Variants in EPHA6 observed in about 807,000 individuals in gnomAD.
The protein encoded by EPHA6 is EPH receptor A6, also known as ephrin type-A receptor 6.
In EPHA6, 50 loss-of-function variants were observed where a neutral mutation model predicts 112.0. That is an observed-to-expected ratio of 0.45 (90% CI 0.36 to 0.56). The LOEUF (loss-of-function observed/expected upper bound fraction) is 0.56, where lower values mean the gene tolerates loss of function less well. Among genes scored for constraint, EPHA6 ranks in the 20% least tolerant of loss-of-function variants. The pLI is 0.00. For missense variants in EPHA6, 1,280 were observed against 1,417.4 expected, an observed-to-expected ratio of 0.90 and a Z score of 1.56; for synonymous variants, 529 against 490.7, an observed-to-expected ratio of 1.08 and a Z score of -1.03.
intron 14 of EPHA6, among the ~76,000 whole-genome samples, chr3:97,645,448 AG>A (rs1195324489): frequency 7.1e-6 from 1 of 140,790 alleles, no homozygotes; most frequent in African/African-American, 2.7e-5. Flanking sequence ...TCTCACTCAT[AG>A]GTGGGAATTG....
At position 97,503,775 on chromosome 3, in the gene EPHA6, T is replaced by C. The variant is rs141330081; in HGVS notation, c.2200+19716T>C. On this transcript the variant is annotated intron_variant, in intron 10 of 17. Transcript: ENST00000389672. ...TATGTTAAGTATGAATTTTAAAACATGTCCTTTTAGGAAATACTTATTTAA... is the reference window on the plus strand; with the variant it reads ...TATGTTAAGTATGAATTTTAAAACACGTCCTTTTAGGAAATACTTATTTAA... Among the ~76,000 whole-genome samples the C allele has an allele frequency of 6.5e-3, 994 of 152,370 alleles. 11 individuals are homozygous for C. Among genetic ancestry groups the C allele is most frequent in the African/African-American group, 0.022 (914 of 41,590 alleles).
intron 3 of EPHA6, among the ~76,000 whole-genome samples, chr3:97,040,088 A>AAATAATGATTATTATAATGATTAATTAT: frequency 6.6e-6 from 1 of 151,270 alleles, no homozygotes; most frequent in Non-Finnish European, 1.5e-5. Context: ...ATTAATGATA[A>AAATAATGATTATTATAATGATTAATTAT]AATAATGATT....
intron 2 of EPHA6, among the ~76,000 whole-genome samples, chr3:96,954,777 T>C (rs2041690931): frequency 1.2e-5 from 1 of 83,710 alleles, no homozygotes; most frequent in Non-Finnish European, 2.1e-5. Context: ...GTGTGCCTTT[T>C]TTTTTTTTTT....
intron 11 of EPHA6, among the ~76,000 whole-genome samples, chr3:97,587,240 CAA>C (rs1160922047): frequency 6.2e-5 from 8 of 128,204 alleles, no homozygotes; most frequent in Admixed American, 7.9e-5. Context: ...GACTCCGTCT[CAA>C]AAAAAAAAAA....
At chr3:97,660,626 C>T (rs185860599) in intron 14 of EPHA6, among the ~76,000 whole-genome samples, 1 of 152,190 alleles carries the variant, frequency 6.6e-6, no homozygotes, top group East Asian at 1.9e-4. Flanking sequence ...GCTTGATTTG[C>T]CTGTATTGTG....
intron 12 of EPHA6, among the ~76,000 whole-genome samples, chr3:97,604,634 C>T (rs912491457): frequency 3.3e-5 from 5 of 151,700 alleles, no homozygotes; most frequent in African/African-American, 4.8e-5. Flanking sequence ...TATATTTTCT[C>T]ATCCGATTAT....
chr3:97,492,974 C>CT (rs373733285), intron 10 of EPHA6, among the ~76,000 whole-genome samples: 4,461 of 130,832 alleles, frequency 0.034, 183 homozygotes, highest in African/African-American at 0.097. Flanking sequence ...TAAGCTTTTC[C>CT]TTTTTTTTTT....
chr3:97,478,292 A>G (rs1358804586), intron 8 of EPHA6, among the ~76,000 whole-genome samples: 3 of 152,146 alleles, frequency 2.0e-5, no homozygotes, highest in Admixed American at 6.5e-5. Flanking sequence ...TCATTAAGGC[A>G]TCAGAAAATA....
intron 12 of EPHA6, among the ~76,000 whole-genome samples, chr3:97,596,548 C>T (rs2107370926): frequency 6.6e-6 from 1 of 151,926 alleles, no homozygotes; most frequent in Non-Finnish European, 1.5e-5. Flanking sequence ...AACTATCTGA[C>T]ATCATATGGT....
chr3:97,098,599 C>A (rs1576484398), intron 3 of EPHA6, among the ~76,000 whole-genome samples: 1 of 151,854 alleles, frequency 6.6e-6, no homozygotes, highest in Admixed American at 6.6e-5. Flanking sequence ...ATGTGATTAT[C>A]TTTACCTAAC....
intron 14 of EPHA6, among the ~76,000 whole-genome samples, chr3:97,700,128 C>T (rs984368493): frequency 6.6e-6 from 1 of 152,164 alleles, no homozygotes; most frequent in African/African-American, 2.4e-5. Flanking sequence ...GAGATGTGTT[C>T]GCTAACCATG....
chr3:97,437,997 C>T (rs2089943588), intron 6 of EPHA6, among the ~76,000 whole-genome samples: 1 of 152,070 alleles, frequency 6.6e-6, no homozygotes, highest in South Asian at 2.1e-4. Context: ...AGTAAATGAT[C>T]TAAAACTTTA....
chr3:97,402,154 C>G (rs2109111736), intron 5 of EPHA6, among the ~76,000 whole-genome samples: 1 of 152,054 alleles, frequency 6.6e-6, no homozygotes, highest in South Asian at 2.1e-4. Context: ...TGTTTTGTAA[C>G]TATTAGTTAG....
Position 97,191,284 on chromosome 3 carries a change from A to G in EPHA6, c.1115-34980A>G, listed in dbSNP as rs72922388. Among the ~76,000 whole-genome samples, 1,246 of 152,180 alleles carry G rather than the reference A, an allele frequency of 8.2e-3. 18 individuals are homozygous for G. Among genetic ancestry groups the G allele is most frequent in the African/African-American group, 0.022 (928 of 41,538 alleles). On this transcript the variant is annotated intron_variant, in intron 3 of 17. Coordinates refer to ENST00000389672, the MANE Select transcript of EPHA6 (RefSeq NM_001080448.3). Reference sequence around the variant, plus strand: ...ATTACATCAGGGTAAATGATTATCCATCACCTCATGTATTTATCATTTATT... The same window carrying G: ...ATTACATCAGGGTAAATGATTATCCGTCACCTCATGTATTTATCATTTATT...
At chr3:97,006,029 T>C (rs891418429) in intron 3 of EPHA6, among the ~76,000 whole-genome samples, 1 of 152,232 alleles carries the variant, frequency 6.6e-6, no homozygotes. Context: ...CAGTATTTTA[T>C]TGAGGATTTT....
intron 11 of EPHA6, among the ~76,000 whole-genome samples, chr3:97,547,950 C>A (rs1049698988): frequency 1.3e-5 from 2 of 152,190 alleles, no homozygotes; most frequent in Non-Finnish European, 2.9e-5. Flanking sequence ...ACCCAATTTT[C>A]CAGGTGCCGT....
intron 2 of EPHA6, among the ~76,000 whole-genome samples, chr3:96,930,785 C>T (rs2040273421): frequency 6.6e-6 from 1 of 151,766 alleles, no homozygotes; most frequent in Non-Finnish European, 1.5e-5. Context: ...TAAGGTCAGG[C>T]ATTCTAGACC....
intron 2 of EPHA6, among the ~76,000 whole-genome samples, chr3:96,897,685 C>T (rs1345948031): frequency 6.6e-6 from 1 of 152,000 alleles, no homozygotes. Context: ...GAGAAAACAG[C>T]AAAATAAAAA....
intron 3 of EPHA6, among the ~76,000 whole-genome samples, chr3:97,214,056 G>A (rs867270449): frequency 3.2e-4 from 39 of 122,982 alleles, no homozygotes; most frequent in African/African-American, 1.3e-3. Context: ...AGAGAGAGAG[G>A]GAGAGGGAGT....
Sources: allele counts gnomAD v4.1 joint callset (sites outside exome capture counted in the v4.1 genomes callset), GRCh38; gene constraint gnomAD v4.1.1; transcripts MANE v1.5; gene names NCBI Gene and HGNC (gene_info 2026-07-23, HGNC 2026-07-21).